RHBDD1: variants seen among roughly 807,000 people sequenced by gnomAD.
RHBDD1 encodes the protein rhomboid-related protein 4.
RHBDD1 carries 38 observed loss-of-function variants against 36.3 expected under a neutral mutation model. The observed-to-expected ratio is 1.05, with a 90% CI of 0.81 to 1.37. The LOEUF (loss-of-function observed/expected upper bound fraction) is 1.37. Ranked by LOEUF, RHBDD1 falls within the 40% of genes most tolerant of loss-of-function variation. The probability of loss-of-function intolerance (pLI) is 0.00; values close to 1 mark genes in which losing one functional copy is unlikely to be tolerated. For missense variants in RHBDD1, 393 were observed against 377.6 expected, an observed-to-expected ratio of 1.04 and a Z score of -0.34; for synonymous variants, 151 against 136.5, an observed-to-expected ratio of 1.11 and a Z score of -0.74.
At chr2:226,811,200 C>A in the RHBDD1 span, among the ~76,000 whole-genome samples, 1 of 152,128 alleles carries the variant, frequency 6.6e-6, no homozygotes. Context: ...GACTCTAAAG[C>A]AGAGCTCAAG....
chr2:226,973,719 T>C (rs1196632646), intron 8 of RHBDD1, among the ~76,000 whole-genome samples: 1 of 152,204 alleles, frequency 6.6e-6, no homozygotes, highest in Non-Finnish European at 1.5e-5. Flanking sequence ...TTATCATTGT[T>C]ATTGTCTGAG....
chr2:226,929,056 C>T (rs13414259), intron 8 of RHBDD1, among the ~76,000 whole-genome samples: 2,940 of 152,044 alleles, frequency 0.019, 94 homozygotes, highest in African/African-American at 0.068. Flanking sequence ...AGATTCACAG[C>T]CAAATTCTAC....
intron 6 of RHBDD1, chr2:226,908,607 A>ACG (rs1436205006): frequency 1.1e-5 from 6 of 548,718 alleles, no homozygotes; most frequent in Non-Finnish European, 1.6e-5. Flanking sequence ...ACACACACAC[A>ACG]CACACACACA....
intron 1 of RHBDD1, among the ~76,000 whole-genome samples, chr2:226,836,511 T>A (rs1216390362): frequency 1.3e-5 from 2 of 152,228 alleles, no homozygotes; most frequent in Non-Finnish European, 2.9e-5. Flanking sequence ...AGAACAAGTC[T>A]AAGCCTCACC....
intron 5 of RHBDD1, among the ~76,000 whole-genome samples, chr2:226,869,554 G>A (rs1944616285): frequency 6.6e-6 from 1 of 152,106 alleles, no homozygotes; most frequent in African/African-American, 2.4e-5. Flanking sequence ...TGCCCTTCGG[G>A]AGGAAAAAAA....
chr2:226,859,878 G>T (rs781364709), intron 3 of RHBDD1, among the ~76,000 whole-genome samples: 1 of 152,222 alleles, frequency 6.6e-6, no homozygotes, highest in Non-Finnish European at 1.5e-5. Flanking sequence ...CTAAGCAGTG[G>T]TGGAAAATAG....
At chr2:226,859,066 A>G (rs1943593604) in intron 3 of RHBDD1, among the ~76,000 whole-genome samples, 1 of 152,234 alleles carries the variant, frequency 6.6e-6, no homozygotes, top group Admixed American at 6.5e-5. Flanking sequence ...ATTTCAGGAA[A>G]AATACTTAAA....
At chr2:226,824,767 C>T in the RHBDD1 span, among the ~76,000 whole-genome samples, 3 of 152,166 alleles carry the variant, frequency 2.0e-5, no homozygotes, top group African/African-American at 7.2e-5. Context: ...ACAGATTGAC[C>T]TTTAATTGAA....
chr2:226,901,413 T>G (rs1947582712), intron 5 of RHBDD1, among the ~76,000 whole-genome samples: 2 of 152,238 alleles, frequency 1.3e-5, no homozygotes, highest in Admixed American at 1.3e-4. Flanking sequence ...GTAGAATTGC[T>G]GGATCATATG....
chr2:226,846,396 T>C lies in RHBDD1; in HGVS notation c.-91+6769T>C, dbSNP rs536494065. Among the ~76,000 whole-genome samples the C allele has an allele frequency of 2.3e-3, 347 of 152,300 alleles. 2 individuals carry two copies. The highest frequency in any genetic ancestry group is 1.9e-3 in the Non-Finnish European group (128 of 68,026). ...TTCTGAGAAAATTAAAAGCATTTGG[T>C]ATTTTGAATATTTGAGTAATGAAAA... On this transcript the variant is annotated intron_variant, in intron 3 of 8. Transcript: ENST00000392062.
intron 8 of RHBDD1, among the ~76,000 whole-genome samples, chr2:226,931,559 G>A (rs2149103311): frequency 6.6e-6 from 1 of 152,102 alleles, no homozygotes; most frequent in South Asian, 2.1e-4. Flanking sequence ...CACTACTTGG[G>A]TGATGAGTGC....
chr2:226,969,689 T>C, intron 8 of RHBDD1, among the ~76,000 whole-genome samples: 1 of 152,200 alleles, frequency 6.6e-6, no homozygotes. Flanking sequence ...TAAAGCCATA[T>C]GCATTTTGAA....
intron 5 of RHBDD1, among the ~76,000 whole-genome samples, chr2:226,870,454 C>T (rs193098956): frequency 1.4e-3 from 218 of 152,228 alleles, no homozygotes; most frequent in African/African-American, 5.0e-3. Context: ...TCCTACTTGA[C>T]TTTTTTCGTC....
At chr2:226,809,047 T>C in the RHBDD1 span, among the ~76,000 whole-genome samples, 13 of 151,992 alleles carry the variant, frequency 8.6e-5, no homozygotes, top group African/African-American at 3.1e-4. Flanking sequence ...TAAACCAGAG[T>C]TGAAAAGATG....
At chr2:226,832,853 T>C (rs1242015377), upstream of RHBDD1, among the ~76,000 whole-genome samples, 9 of 151,904 alleles carry the variant, frequency 5.9e-5, no homozygotes, top group Admixed American at 1.3e-4. Flanking sequence ...ACTAAAAAAA[T>C]ACAAAAAATT....
chr2:226,944,335 C>CT (rs908898163), intron 8 of RHBDD1, among the ~76,000 whole-genome samples: 4 of 152,194 alleles, frequency 2.6e-5, no homozygotes, highest in Admixed American at 2.0e-4. Flanking sequence ...ACCTGAGGCT[C>CT]TGTGCCCCTA....
At chr2:226,853,533 T>C (rs1169333330) in intron 3 of RHBDD1, among the ~76,000 whole-genome samples, 1 of 152,232 alleles carries the variant, frequency 6.6e-6, no homozygotes, top group Non-Finnish European at 1.5e-5. Context: ...GGAACAGCAC[T>C]GTCTGGTGGG....
At position 226,997,360 on chromosome 2, in the gene RHBDD1, A is replaced by G. The variant is rs1959660278; in HGVS notation, c.*1838A>G. The G allele has an allele frequency of 6.6e-6, 1 of 152,218 alleles. No homozygotes were observed. Among genetic ancestry groups the G allele is most frequent in the South Asian group, 2.1e-4 (1 of 4,830 alleles). 9.4% of individuals were successfully genotyped at this position (152,218 alleles called of 1,614,324 possible). A position where few individuals can be genotyped will look rare whatever the true frequency, so the allele number is the denominator to read the frequency against. ...AACTTCTTTGTTTCATGCCACTTTT[A>G]TAGCATTTGGTAATTCTGCTATAAC... On this transcript the variant is annotated 3_prime_UTR_variant, in exon 9 of 9. Coordinates refer to ENST00000392062, the MANE Select transcript of RHBDD1 (RefSeq NM_001167608.3).
At chr2:226,924,698 G>A (rs1032937221) in intron 8 of RHBDD1, among the ~76,000 whole-genome samples, 1 of 152,182 alleles carries the variant, frequency 6.6e-6, no homozygotes, top group African/African-American at 2.4e-5. Context: ...CTGACCACTG[G>A]GATGGGCAAT....
Sources: gnomAD v4.1 joint callset for allele counts (sites outside exome capture counted in the v4.1 genomes callset) on GRCh38, gnomAD v4.1.1 for gene constraint, MANE v1.5 for transcripts, NCBI Gene and HGNC (gene_info 2026-07-23, HGNC 2026-07-21) for gene names.